The following XRCC2 variants were observed in gnomAD, a reference collection of about 807,000 sequenced individuals.
XRCC2 encodes X-ray repair cross complementing 2.
A neutral mutation model predicts 27.3 loss-of-function variants in XRCC2; 24 were observed. That is an observed-to-expected ratio of 0.88 (90% confidence interval 0.64 to 1.24). The LOEUF (loss-of-function observed/expected upper bound fraction) is 1.24, where lower values mean the gene tolerates loss of function less well. XRCC2 is among the 50% of genes most tolerant of loss of function. XRCC2 has a pLI of 0.00. For synonymous variants in XRCC2, 106 were observed against 115.4 expected (o/e 0.92, Z 0.52); for missense variants, 321 against 325.8 (o/e 0.99, Z 0.11).
intron 1 of XRCC2, among the ~76,000 whole-genome samples, chr7:152,672,353 A>G (rs1422209537): frequency 6.6e-6 from 1 of 152,234 alleles, no homozygotes; most frequent in African/African-American, 2.4e-5. Flanking sequence ...GTCTTATGTA[A>G]TATTTGCCTC....
rs534216316 is a variant in XRCC2, at chr7:152,669,441, C to A, written c.39+6600G>T. ...ATGGTAAACATTTTACAGAGTCTCA[C>A]TCTGTCGCCCAGGCTGGAGTGCAGA... On this transcript the variant is annotated intron_variant, in intron 1 of 2. Transcript: ENST00000359321. Among the ~76,000 whole-genome samples the A allele has an allele frequency of 2.6e-5, 4 of 152,264 alleles. No homozygotes were observed. In the South Asian group the frequency reaches 8.3e-4, roughly 32 times the overall value.
chr7:152,670,939 G>C (rs1199776424), intron 1 of XRCC2, among the ~76,000 whole-genome samples: 1 of 152,230 alleles, frequency 6.6e-6, no homozygotes, highest in East Asian at 1.9e-4. Flanking sequence ...ACTAGTCTGG[G>C]TGTGATGGCT....
Position 152,645,019 on chromosome 7 carries a change from T to C in XRCC2, c.*3623A>G, listed in dbSNP as rs1431767915. ...AACTCCAAGAATAGTTTTTATATTT[T>C]ATTTTCACATTGAAAATCAGTAAGA... On this transcript the variant is annotated 3_prime_UTR_variant, in exon 3 of 3. Transcript: ENST00000359321. 6.6e-6 allele frequency: 1 copy of C among 152,208 alleles called. No individual in the cohort carries two copies. The allele number at this position is 152,208 out of a possible 1,614,324, so 9.4% of individuals were successfully genotyped here. A position where few individuals can be genotyped will look rare whatever the true frequency, so the allele number is the denominator to read the frequency against.
At chr7:152,664,017 C>T (rs1321914771) in intron 1 of XRCC2, 1 of 152,212 alleles carries the variant, frequency 6.6e-6, no homozygotes, top group Non-Finnish European at 1.5e-5. Context: ...CCAATAAAAC[C>T]TTCGGACACC....
chr7:152,652,948 G>A (rs964828819), intron 2 of XRCC2, among the ~76,000 whole-genome samples: 1 of 152,132 alleles, frequency 6.6e-6, no homozygotes, highest in Admixed American at 6.5e-5. Context: ...AAAGCAAGAG[G>A]AGCAAACTGC....
intron 1 of XRCC2, among the ~76,000 whole-genome samples, chr7:152,662,110 AC>A (rs1266414900): frequency 4.6e-5 from 7 of 151,836 alleles, no homozygotes; most frequent in Non-Finnish European, 1.0e-4. Context: ...GATTACAGGC[AC>A]CCACCACCAC....
intron 1 of XRCC2, among the ~76,000 whole-genome samples, chr7:152,665,252 A>G (rs1041945223): frequency 3.9e-5 from 6 of 152,146 alleles, no homozygotes; most frequent in Non-Finnish European, 8.8e-5. Context: ...TCTTTCTTCC[A>G]AGAAGACAAG....
At chr7:152,657,214 C>T (rs1218354382) in intron 2 of XRCC2, among the ~76,000 whole-genome samples, 3 of 137,834 alleles carry the variant, frequency 2.2e-5, no homozygotes, top group Non-Finnish European at 3.1e-5. Flanking sequence ...CCATCCTGGG[C>T]GACAGAGTGA....
At chr7:152,654,320 ATGG>A in intron 2 of XRCC2, among the ~76,000 whole-genome samples, 1 of 152,228 alleles carries the variant, frequency 6.6e-6, no homozygotes, top group South Asian at 2.1e-4. Context: ...GGTGGGTATT[ATGG>A]ACCTAAAATT....
intron 2 of XRCC2, among the ~76,000 whole-genome samples, chr7:152,656,774 T>A (rs2116995679): frequency 6.6e-6 from 1 of 152,344 alleles, no homozygotes; most frequent in South Asian, 2.1e-4. Flanking sequence ...TTTTTTGTCT[T>A]ACATATTTGA....
In XRCC2 at chr7:152,646,707, G is replaced by A. The variant is rs1424438137; in HGVS notation, c.*1935C>T. The A allele has an allele frequency of 6.6e-6, 1 of 152,200 alleles. No individual in the cohort carries two copies. The highest frequency in any genetic ancestry group is 2.4e-5 in the African/African-American group (1 of 41,430). The allele number at this position is 152,200 out of a possible 1,614,324, so 9.4% of individuals were successfully genotyped here. A position where few individuals can be genotyped will look rare whatever the true frequency, so the allele number is the denominator to read the frequency against. On this transcript the variant is annotated 3_prime_UTR_variant, in exon 3 of 3. Coordinates refer to ENST00000359321, the MANE Select transcript of XRCC2 (RefSeq NM_005431.2). Reference sequence around the variant, plus strand: ...GCCCAGGCTGGTCTTGACCTCCTGAGCGCGGGCAATCCACCCACCTCGGCC... The same window carrying A: ...GCCCAGGCTGGTCTTGACCTCCTGAACGCGGGCAATCCACCCACCTCGGCC...
chr7:152,674,759 A>ATTATATATAAATATATTTTTAAATATAT (rs1563035378), intron 1 of XRCC2, among the ~76,000 whole-genome samples: 15 of 121,904 alleles, frequency 1.2e-4, no homozygotes, highest in Non-Finnish European at 2.2e-4. Flanking sequence ...TTAAATATAT[A>ATTATATATAAATATATTTTTAAATATAT]TTATATATAA....
intron 2 of XRCC2, among the ~76,000 whole-genome samples, chr7:152,655,596 C>G (rs1253474274): frequency 6.6e-6 from 1 of 152,140 alleles, no homozygotes; most frequent in Non-Finnish European, 1.5e-5. Context: ...GTGGTCCCAG[C>G]TATTCAGGAG....
chr7:152,648,923 G>T lies in XRCC2; in HGVS notation c.562C>A (p.Arg188Ser). ...TGTGTCGTTGCAAAAAGAACCAGGC[G>T]ATAGTCATTTACAAGCTTCTCTAAG... ...QCLEKLVNDY[R>S]LVLFATTQTI... is the part of the protein sequence containing the mutation. The change falls in exon 3 of 3, where the codon CGC becomes AGC. Residue 188 changes from arginine (R) to serine (S), a missense_variant. Physicochemically the swap from Arg to Ser is moderately radical, Grantham distance 110 (BLOSUM62 -1). Transcript: ENST00000359321. 6.2e-7 allele frequency: 1 copy of T among 1,614,178 alleles called. No individual in the cohort carries two copies. Among genetic ancestry groups the T allele is most frequent in the Non-Finnish European group, 8.5e-7 (1 of 1,180,040 alleles).
intron 2 of XRCC2, among the ~76,000 whole-genome samples, chr7:152,659,143 G>GTT (rs369420541): frequency 4.0e-5 from 6 of 148,262 alleles, no homozygotes; most frequent in African/African-American, 1.5e-4. Flanking sequence ...GCTATTTCCT[G>GTT]TTTTTTTTTT....
intron 2 of XRCC2, among the ~76,000 whole-genome samples, chr7:152,658,584 T>TC (rs1211247217): frequency 6.6e-6 from 1 of 152,200 alleles, no homozygotes; most frequent in Non-Finnish European, 1.5e-5. Context: ...AAACAATGAC[T>TC]CCCTTCCCCC....
chr7:152,659,100 G>A (rs2098031987), intron 2 of XRCC2, among the ~76,000 whole-genome samples: 1 of 151,568 alleles, frequency 6.6e-6, no homozygotes, highest in South Asian at 2.1e-4. Flanking sequence ...AGTGCAAAAG[G>A]GTTACAATTT....
intron 2 of XRCC2, among the ~76,000 whole-genome samples, chr7:152,658,462 C>T (rs534197045): frequency 1.3e-5 from 2 of 152,282 alleles, no homozygotes; most frequent in South Asian, 4.1e-4. Context: ...CCTACTTTAA[C>T]CATTTTTAAG....
intron 2 of XRCC2, among the ~76,000 whole-genome samples, chr7:152,658,207 C>A (rs2098031558): frequency 1.3e-5 from 2 of 151,814 alleles, no homozygotes; most frequent in South Asian, 4.2e-4. Context: ...TGCAGTGGCA[C>A]AATCTTGGCT....
Sources: gnomAD v4.1 joint callset for allele counts (sites outside exome capture counted in the v4.1 genomes callset) on GRCh38, gnomAD v4.1.1 for gene constraint, MANE v1.5 for transcripts, NCBI Gene and HGNC (gene_info 2026-07-23, HGNC 2026-07-21) for gene names.